The following MNAT1 variants were observed in gnomAD, a reference collection of about 807,000 sequenced individuals.
MNAT1 encodes the protein MNAT1 component of CDK activating kinase.
In MNAT1, 43 loss-of-function variants were observed where a neutral mutation model predicts 42.0. The ratio of observed to expected loss-of-function variants is 1.02; its 90% CI spans 0.80 to 1.32. The LOEUF is 1.32. MNAT1 is among the 40% of genes most tolerant of loss of function. The pLI is 0.00. For missense variants in MNAT1, 306 were observed against 350.4 expected (o/e 0.87, Z 1.01); for synonymous variants, 118 against 120.0 (o/e 0.98, Z 0.11).
At chr14:60,872,362 T>G (rs1269175596) in intron 6 of MNAT1, among the ~76,000 whole-genome samples, 3 of 152,196 alleles carry the variant, frequency 2.0e-5, no homozygotes, top group African/African-American at 4.8e-5. Flanking sequence ...AACATGAAAT[T>G]TGGAAGGGAC....
chr14:60,850,862 T>C (rs1401025113), intron 6 of MNAT1, among the ~76,000 whole-genome samples: 1 of 152,176 alleles, frequency 6.6e-6, no homozygotes, highest in Non-Finnish European at 1.5e-5. Context: ...GGATGTAGAA[T>C]CTGCCAAAAT....
At chr14:60,900,197 T>G (rs2035046403) in intron 7 of MNAT1, among the ~76,000 whole-genome samples, 1 of 152,152 alleles carries the variant, frequency 6.6e-6, no homozygotes, top group Non-Finnish European at 1.5e-5. Flanking sequence ...TGTCTCTCAC[T>G]TTCAATGAAA....
intron 6 of MNAT1, among the ~76,000 whole-genome samples, chr14:60,831,246 G>C (rs1473920116): frequency 6.6e-6 from 1 of 151,874 alleles, no homozygotes; most frequent in African/African-American, 2.4e-5. Flanking sequence ...TGTTACATAG[G>C]TATACACGAG....
intron 6 of MNAT1, among the ~76,000 whole-genome samples, chr14:60,842,698 C>T (rs1156931142): frequency 6.6e-6 from 1 of 152,028 alleles, no homozygotes; most frequent in Admixed American, 6.6e-5. Flanking sequence ...ATGTAATATT[C>T]CATTTGTTTG....
At chr14:60,786,454 G>C (rs1465943756) in intron 1 of MNAT1, among the ~76,000 whole-genome samples, 1 of 151,966 alleles carries the variant, frequency 6.6e-6, no homozygotes, top group Non-Finnish European at 1.5e-5. Flanking sequence ...AGACTTTTTG[G>C]TGTTAGTAAC....
chr14:60,773,675 C>T (rs897300155), intron 1 of MNAT1, among the ~76,000 whole-genome samples: 1 of 152,066 alleles, frequency 6.6e-6, no homozygotes, highest in South Asian at 2.1e-4. Context: ...TCAGAAAGAA[C>T]AGGAATTGTT....
intron 7 of MNAT1, among the ~76,000 whole-genome samples, chr14:60,918,801 T>C (rs1184321816): frequency 6.6e-6 from 1 of 150,554 alleles, no homozygotes; most frequent in East Asian, 2.0e-4. Context: ...CAAATGGGCA[T>C]GAGGGATCTG....
chr14:60,752,518 C>T (rs2030140741), intron 1 of MNAT1, among the ~76,000 whole-genome samples: 1 of 151,962 alleles, frequency 6.6e-6, no homozygotes, highest in Admixed American at 6.6e-5. Flanking sequence ...TTTTTATCTT[C>T]TTATTTGTAT....
intron 7 of MNAT1, among the ~76,000 whole-genome samples, chr14:60,935,703 T>C (rs548618785): frequency 3.3e-5 from 5 of 152,042 alleles, no homozygotes; most frequent in Non-Finnish European, 7.4e-5. Context: ...TGATGCAGGG[T>C]AGGAGGAGAA....
At chr14:60,783,443 G>A (rs1205127491) in intron 1 of MNAT1, among the ~76,000 whole-genome samples, 2 of 152,172 alleles carry the variant, frequency 1.3e-5, no homozygotes, top group African/African-American at 2.4e-5. Context: ...TACCTTCAAA[G>A]TAGCATATTC....
chr14:60,881,427 T>C (rs1329437068), intron 7 of MNAT1, among the ~76,000 whole-genome samples: 2 of 152,030 alleles, frequency 1.3e-5, no homozygotes, highest in African/African-American at 2.4e-5. Context: ...TCAAGTGATC[T>C]GCCCACCTTG....
chr14:60,839,996 CT>C (rs2033501869), intron 6 of MNAT1, among the ~76,000 whole-genome samples: 1 of 152,246 alleles, frequency 6.6e-6, no homozygotes, highest in Non-Finnish European at 1.5e-5. Context: ...CCCAAGAAAA[CT>C]TGCACAAAAG....
intron 7 of MNAT1, among the ~76,000 whole-genome samples, chr14:60,903,746 AGTCTTTACCTTC>A (rs1272887732): frequency 6.6e-6 from 1 of 151,848 alleles, no homozygotes; most frequent in Non-Finnish European, 1.5e-5. Flanking sequence ...TTTTGGTCAT[AGTCTTTACCTTC>A]GTCTTTACCT....
chr14:60,919,202 C>T (rs2139547680), intron 7 of MNAT1: 1 of 152,330 alleles, frequency 6.6e-6, no homozygotes, highest in Admixed American at 6.5e-5. Flanking sequence ...GCTCCCTGGT[C>T]CAACGTCCTG....
intron 6 of MNAT1, among the ~76,000 whole-genome samples, chr14:60,870,133 A>T (rs760834232): frequency 2.0e-4 from 31 of 152,194 alleles, no homozygotes; most frequent in Non-Finnish European, 3.1e-4. Flanking sequence ...CAATGTTCCT[A>T]TGTTGCTCTA....
At chr14:60,960,182 T>C (rs915151141) in intron 7 of MNAT1, among the ~76,000 whole-genome samples, 3 of 152,208 alleles carry the variant, frequency 2.0e-5, no homozygotes, top group African/African-American at 7.2e-5. Context: ...TCTGTTATTA[T>C]TGTTTTCCTC....
intron 3 of MNAT1, among the ~76,000 whole-genome samples, chr14:60,802,654 G>C (rs4902007): frequency 0.92 from 140,286 of 152,144 alleles, 65,267 homozygotes; most frequent in Non-Finnish European, 0.99. Context: ...TTTAGACATA[G>C]AATATTCAAG....
chr14:60,882,414 A>G (rs1021564553), intron 7 of MNAT1, among the ~76,000 whole-genome samples: 2 of 152,160 alleles, frequency 1.3e-5, no homozygotes, highest in African/African-American at 2.4e-5. Context: ...ACAGGATCGC[A>G]TACCTTTTTT....
chr14:60,952,452 G>A (rs940015361), intron 7 of MNAT1, among the ~76,000 whole-genome samples: 1 of 152,172 alleles, frequency 6.6e-6, no homozygotes, highest in Non-Finnish European at 1.5e-5. Context: ...ACATTAGTCT[G>A]TGAAAGAGGT....
Sources: gnomAD v4.1 joint callset for allele counts (sites outside exome capture counted in the v4.1 genomes callset) on GRCh38, gnomAD v4.1.1 for gene constraint, MANE v1.5 for transcripts, NCBI Gene and HGNC (gene_info 2026-07-23, HGNC 2026-07-21) for gene names.